Variants in PDE2A observed in about 807,000 individuals in gnomAD.
PDE2A encodes the protein phosphodiesterase 2A.
Under a neutral mutation model 133.6 loss-of-function variants are expected in PDE2A, and 53 were observed. The observed-to-expected ratio is 0.40, with a 90% CI of 0.32 to 0.50. PDE2A has a LOEUF of 0.50. PDE2A is among the 20% of genes least tolerant of loss of function. PDE2A has a pLI of 0.73. For missense variants in PDE2A, 796 were observed against 1,232.4 expected (o/e 0.65, Z 5.30); for synonymous variants, 491 against 490.2 (o/e 1.00, Z -0.02).
At chr11:72,596,457 A>ATC (rs113104892) in intron 6 of PDE2A, 136 bp downstream of exon 6, 214 of 164,162 alleles carry the variant, frequency 1.3e-3, no homozygotes, top group Non-Finnish European at 2.0e-3. Context: ...TATGGCTCCC[A>ATC]TCTCTCTCTC....
chr11:72,580,085 G>C (rs1172053903), intron 25 of PDE2A, among the ~76,000 whole-genome samples: 1 of 152,142 alleles, frequency 6.6e-6, no homozygotes, highest in Admixed American at 6.5e-5. Flanking sequence ...CTGGGAGAGA[G>C]ACAGAGAACC....
In PDE2A at chr11:72,580,866, T is replaced by G; in HGVS notation, c.2133+20A>C. 2 of 1,467,190 alleles carry G rather than the reference T, an allele frequency of 1.4e-6. No homozygotes were observed. Among genetic ancestry groups the G allele is most frequent in the South Asian group, 2.3e-5 (2 of 88,156 alleles). 90.9% of individuals were successfully genotyped at this position (1,467,190 alleles called of 1,614,324 possible). A position where few individuals can be genotyped will look rare whatever the true frequency, so the allele number is the denominator to read the frequency against. On this transcript the variant is annotated intron_variant, in intron 24 of 30. Coordinates refer to ENST00000334456, the MANE Select transcript of PDE2A (RefSeq NM_002599.5). ...GACACCCCATGGAGGGTCCCCACTG[T>G]GAGCAGGGCAGGGTCTTACCGAGGC...
intron 17 of PDE2A, 64 bp downstream of exon 17, chr11:72,584,808 C>T: frequency 6.2e-7 from 1 of 1,609,864 alleles, no homozygotes; most frequent in Non-Finnish European, 8.5e-7. Flanking sequence ...CGGGCCGCTC[C>T]CCAGCGCCGC....
At chr11:72,607,118 G>A (rs562406365) in intron 3 of PDE2A, among the ~76,000 whole-genome samples, 4 of 152,266 alleles carry the variant, frequency 2.6e-5, no homozygotes, top group African/African-American at 7.2e-5. Context: ...ATCAAGCCAG[G>A]ACTCCCGAAA....
chr11:72,585,057 G>T, intron 16 of PDE2A, 113 bp from the exon 17 acceptor site: 1 of 1,009,374 alleles, frequency 9.9e-7, no homozygotes, highest in Non-Finnish European at 1.6e-6. Context: ...GTGCTCCAAG[G>T]TAAGACACTC....
intron 2 of PDE2A, among the ~76,000 whole-genome samples, chr11:72,625,812 C>T (rs1858032270): frequency 6.6e-6 from 1 of 152,232 alleles, no homozygotes; most frequent in South Asian, 2.1e-4. Context: ...CAAGCTCCCT[C>T]TCCTCCTGCC....
intron 6 of PDE2A, among the ~76,000 whole-genome samples, chr11:72,593,504 C>T (rs1026064177): frequency 3.3e-5 from 5 of 152,144 alleles, no homozygotes; most frequent in Non-Finnish European, 7.3e-5. Flanking sequence ...CAGCACAGCC[C>T]CCAGGTCCCC....
intron 2 of PDE2A, among the ~76,000 whole-genome samples, chr11:72,619,781 A>G (rs1857662483): frequency 6.6e-6 from 1 of 152,132 alleles, no homozygotes; most frequent in South Asian, 2.1e-4. Context: ...CACTTCTCCC[A>G]TCGCCTCCCT....
At chr11:72,586,773 G>A (rs1855994952) in intron 13 of PDE2A, among the ~76,000 whole-genome samples, 1 of 152,160 alleles carries the variant, frequency 6.6e-6, no homozygotes, top group African/African-American at 2.4e-5. Context: ...CCAATGGTGT[G>A]GGTCATGGGA....
intron 14 of PDE2A, 150 bp downstream of exon 14, chr11:72,585,920 T>G: frequency 1.5e-6 from 1 of 651,736 alleles, no homozygotes; most frequent in Non-Finnish European, 2.8e-6. Context: ...CCTGAACAAC[T>G]GCAAGCCTTC....
chr11:72,603,038 T>C (rs1856825855), intron 4 of PDE2A, among the ~76,000 whole-genome samples: 1 of 152,170 alleles, frequency 6.6e-6, no homozygotes, highest in African/African-American at 2.4e-5. Context: ...CTTTTTCAGG[T>C]AGCAGCTGAG....
intron 1 of PDE2A, 24 bp from the exon 2 acceptor site, chr11:72,642,350 G>A (rs1591122017): frequency 1.3e-6 from 2 of 1,527,824 alleles, no homozygotes; most frequent in East Asian, 2.7e-5. Flanking sequence ...CAACAGCGAT[G>A]AGGATGTGGT....
chr11:72,581,309 G>GTAA (rs1554986564), intron 23 of PDE2A, 48 bp downstream of exon 23: 2 of 1,591,470 alleles, frequency 1.3e-6, no homozygotes, highest in African/African-American at 2.7e-5. Flanking sequence ...CTGTCCCAGG[G>GTAA]AGGGGACCCC....
chr11:72,599,030 G>A lies in PDE2A; in HGVS notation c.324-1411C>T, dbSNP rs893411423. On this transcript the variant is annotated intron_variant, in intron 4 of 30. Transcript: ENST00000334456. ...CTGATGAAGGCTGAGGCTTCACGGAGGCAGGGGGTGACCCCTGGCCAAACC... is the reference window on the plus strand; with the variant it reads ...CTGATGAAGGCTGAGGCTTCACGGAAGCAGGGGGTGACCCCTGGCCAAACC... 5 of 985,274 alleles carry A rather than the reference G, an allele frequency of 5.1e-6. No individual in the cohort carries two copies. The South Asian group carries it at 1.9e-4, about 37-fold the overall frequency. The allele number at this position is 985,274 out of a possible 1,614,324, so 61.0% of individuals were successfully genotyped here. A position where few individuals can be genotyped will look rare whatever the true frequency, so the allele number is the denominator to read the frequency against.
intron 2 of PDE2A, among the ~76,000 whole-genome samples, chr11:72,616,229 T>G (rs1857465088): frequency 1.3e-5 from 2 of 152,180 alleles, no homozygotes; most frequent in Non-Finnish European, 2.9e-5. Context: ...ATGAATGGAG[T>G]GATCTCCCTT....
chr11:72,634,103 G>C (rs530150365), intron 2 of PDE2A, among the ~76,000 whole-genome samples: 1 of 152,320 alleles, frequency 6.6e-6, no homozygotes, highest in East Asian at 1.9e-4. Context: ...GAGAGCGCCA[G>C]AGACGAGACC....
intron 2 of PDE2A, among the ~76,000 whole-genome samples, chr11:72,638,768 G>A (rs80060303): frequency 0.016 from 2,420 of 152,334 alleles, 83 homozygotes; most frequent in African/African-American, 0.056. Context: ...CAATGTCAAC[G>A]ACAATGAAGA....
chr11:72,600,621 C>T (rs867081784), intron 4 of PDE2A, among the ~76,000 whole-genome samples: 3 of 152,144 alleles, frequency 2.0e-5, no homozygotes, highest in Non-Finnish European at 4.4e-5. Context: ...GCGGGAGCTT[C>T]GTCCACTGCT....
intron 2 of PDE2A, among the ~76,000 whole-genome samples, chr11:72,616,438 C>T (rs1317795991): frequency 6.6e-6 from 1 of 152,194 alleles, no homozygotes; most frequent in African/African-American, 2.4e-5. Context: ...CTGCCCCTCT[C>T]CAGGTCTCCA....
Sources: allele counts gnomAD v4.1 joint callset (sites outside exome capture counted in the v4.1 genomes callset), GRCh38; gene constraint gnomAD v4.1.1; transcripts MANE v1.5; gene names NCBI Gene and HGNC (gene_info 2026-07-23, HGNC 2026-07-21).